The following NDUFAF5 variants were observed in gnomAD, a reference collection of about 807,000 sequenced individuals.
NDUFAF5 encodes NADH:ubiquinone oxidoreductase complex assembly factor 5, also known as arginine-hydroxylase NDUFAF5, mitochondrial.
NDUFAF5 carries 34 observed loss-of-function variants against 48.9 expected under a neutral mutation model. The observed-to-expected ratio is 0.70, with a 90% CI of 0.53 to 0.93. The LOEUF is 0.93. NDUFAF5 is among the 40% of genes least tolerant of loss of function. The probability of loss-of-function intolerance (pLI) is 0.00; values close to 1 mark genes in which losing one functional copy is unlikely to be tolerated. For missense variants in NDUFAF5, 428 were observed against 427.5 expected, an observed-to-expected ratio of 1.00 and a Z score of -0.01; for synonymous variants, 153 against 150.6, an observed-to-expected ratio of 1.02 and a Z score of -0.12.
Position 13,820,245 on chromosome 20 carries a change from A to G in NDUFAF5, c.*3035A>G, listed in dbSNP as rs1393063080. 1.3e-5 allele frequency: 2 copies of G among 152,240 alleles called. No homozygotes were observed. Among genetic ancestry groups the G allele is most frequent in the South Asian group, 2.1e-4 (1 of 4,834 alleles). The allele number at this position is 152,240 out of a possible 1,614,324, so 9.4% of individuals were successfully genotyped here. On this transcript the variant is annotated 3_prime_UTR_variant, in exon 11 of 11. Coordinates refer to ENST00000378106, the MANE Select transcript of NDUFAF5 (RefSeq NM_024120.5). ...ATTTATTGAGATGTAAGCTACCTATATACATCAAGTATGTGATATGATTGT... is the reference window on the plus strand; with the variant it reads ...ATTTATTGAGATGTAAGCTACCTATGTACATCAAGTATGTGATATGATTGT...
intron 7 of NDUFAF5, among the ~76,000 whole-genome samples, chr20:13,803,941 A>G (rs1984609735): frequency 6.6e-6 from 1 of 151,838 alleles, no homozygotes. Flanking sequence ...ACGTGCCACC[A>G]CGCCCCATTA....
chr20:13,820,014 G>C lies in NDUFAF5; in HGVS notation c.*2804G>C, dbSNP rs1305419675. On this transcript the variant is annotated 3_prime_UTR_variant, in exon 11 of 11. Coordinates refer to ENST00000378106, the MANE Select transcript of NDUFAF5 (RefSeq NM_024120.5). ...ATCTTCATTGAGTTTCATGTGCCAG[G>C]CATCCAACTAGTCTCTGCTTTTATA... 1 of 152,176 alleles carries C rather than the reference G, an allele frequency of 6.6e-6. No individual in the cohort carries two copies. Among genetic ancestry groups the C allele is most frequent in the Non-Finnish European group, 1.5e-5 (1 of 68,034 alleles). The allele number at this position is 152,176 out of a possible 1,614,324, so 9.4% of individuals were successfully genotyped here.
chr20:13,803,849 G>A (rs951054525), intron 7 of NDUFAF5, among the ~76,000 whole-genome samples: 1 of 151,930 alleles, frequency 6.6e-6, no homozygotes, highest in Non-Finnish European at 1.5e-5. Flanking sequence ...GCAATGGCAC[G>A]GTCTTGGCCC....
At chr20:13,799,984 A>G (rs547504031) in intron 6 of NDUFAF5, among the ~76,000 whole-genome samples, 52 of 152,278 alleles carry the variant, frequency 3.4e-4, no homozygotes, top group African/African-American at 1.1e-3. Flanking sequence ...GAAAATGGCA[A>G]TAGAAATATG....
chr20:13,800,271 G>A (rs755319857), intron 6 of NDUFAF5, among the ~76,000 whole-genome samples: 1 of 152,178 alleles, frequency 6.6e-6, no homozygotes, highest in Non-Finnish European at 1.5e-5. Context: ...TTGATGACAG[G>A]AGGAGGAAGC....
intron 5 of NDUFAF5, 73 bp downstream of exon 5, chr20:13,795,014 C>T (rs1482875403): frequency 9.5e-7 from 1 of 1,054,108 alleles, no homozygotes; most frequent in African/African-American, 1.6e-5. Context: ...GCTATGAGGC[C>T]AGGAGCGGTG....
chr20:13,817,791 A>T lies in NDUFAF5; in HGVS notation c.*581A>T, dbSNP rs1371673379. On this transcript the variant is annotated 3_prime_UTR_variant, in exon 11 of 11. Transcript: ENST00000378106. Reference sequence around the variant, plus strand: ...GAATACCAGAAGTAGAATCACATGTAACAGTCTCTGCACAGTCATCAGTTT... The same window carrying T: ...GAATACCAGAAGTAGAATCACATGTTACAGTCTCTGCACAGTCATCAGTTT... The T allele has an allele frequency of 4.4e-6, 2 of 454,008 alleles. No homozygotes were observed. Among genetic ancestry groups the T allele is most frequent in the South Asian group, 3.1e-5 (2 of 64,472 alleles). 28.1% of individuals were successfully genotyped at this position (454,008 alleles called of 1,614,324 possible).
intron 7 of NDUFAF5, among the ~76,000 whole-genome samples, chr20:13,807,206 C>T (rs367692038): frequency 6.6e-6 from 1 of 152,160 alleles, no homozygotes. Context: ...ACCACCATGC[C>T]TGGCTAATTT....
chr20:13,801,586 A>G lies in NDUFAF5; in HGVS notation c.620A>G (p.Glu207Gly). 3 of 1,614,052 alleles carry G rather than the reference A, an allele frequency of 1.9e-6. No individual in the cohort carries two copies. Among genetic ancestry groups the G allele is most frequent in the Non-Finnish European group, 2.5e-6 (3 of 1,179,986 alleles). Reference protein sequence around the residue: ...LRCSLQLAETEREGGFSPHIS... With the variant: ...LRCSLQLAETGREGGFSPHIS... ...TGTTCCTTACAGTTAGCGGAAACGGAAAGGGAAGGAGGATTTTCTCCACAC... is the reference window on the plus strand; with the variant it reads ...TGTTCCTTACAGTTAGCGGAAACGGGAAGGGAAGGAGGATTTTCTCCACAC... Residue 207 changes from glutamate (E) to glycine (G), a missense_variant, in exon 7 of 11, where the codon GAA becomes GGA. Physicochemically the swap from Glu to Gly is moderately conservative, Grantham distance 98 (BLOSUM62 -2). Coordinates refer to ENST00000378106, the MANE Select transcript of NDUFAF5 (RefSeq NM_024120.5).
At chr20:13,801,227 T>G (rs1278563647) in intron 6 of NDUFAF5, among the ~76,000 whole-genome samples, 1 of 152,166 alleles carries the variant, frequency 6.6e-6, no homozygotes, top group Non-Finnish European at 1.5e-5. Flanking sequence ...TGTATACCTA[T>G]TAGAAAACTT....
rs1182642576 is a variant in NDUFAF5 at position 13,785,171 on chromosome 20, C to G, written c.103C>G (p.Pro35Ala). 6.2e-7 allele frequency: 1 copy of G among 1,613,944 alleles called. No homozygotes were observed. Among genetic ancestry groups the G allele is most frequent in the Non-Finnish European group, 8.5e-7 (1 of 1,179,952 alleles). Residue 35 changes from proline to alanine, a missense_variant, in exon 1 of 11, where the codon CCC becomes GCC. Physicochemically the swap from Pro to Ala is conservative, Grantham distance 27 (BLOSUM62 -1). Transcript: ENST00000378106. ...GRREVTSGVS[P>A]RGSTSPRTLN... ...TAGGGAAGTCACCTCTGGTGTCTCT[C>G]CCCGCGGTAGCACCTCGCCCAGAAC...
chr20:13,797,786 ACT>A (rs1872239281), intron 5 of NDUFAF5, among the ~76,000 whole-genome samples: 1 of 152,104 alleles, frequency 6.6e-6, no homozygotes, highest in South Asian at 2.1e-4. Flanking sequence ...ACAAATATAC[ACT>A]CTGGAGATAT....
rs8184569 is a variant in NDUFAF5 at position 13,789,847 on chromosome 20, G to A, written c.327+1195G>A. ...GACTTGGGCCAGGGTGAGGAAGGGA[G>A]TGGTGGGGCTCCTAAAACACTATTA... On this transcript the variant is annotated intron_variant, in intron 3 of 10. Transcript: ENST00000378106. Among the ~76,000 whole-genome samples, 68 of 152,328 alleles carry A rather than the reference G, an allele frequency of 4.5e-4. 1 individual carries two copies. The East Asian group carries it at 0.012, about 28-fold the overall frequency.
chr20:13,793,305 CT>C, intron 4 of NDUFAF5, 78 bp downstream of exon 4: 1 of 1,254,130 alleles, frequency 8.0e-7, no homozygotes, highest in Middle Eastern at 2.0e-4. Context: ...TTTTTATTTC[CT>C]TCAAACTAGC....
chr20:13,794,219 G>A (rs145511427), intron 4 of NDUFAF5, among the ~76,000 whole-genome samples: 111 of 151,696 alleles, frequency 7.3e-4, no homozygotes, highest in African/African-American at 2.5e-3. Context: ...AGGGTAAAAT[G>A]TCCAGTCCAC....
intron 5 of NDUFAF5, among the ~76,000 whole-genome samples, chr20:13,797,424 C>G (rs1043836350): frequency 6.6e-6 from 1 of 152,066 alleles, no homozygotes; most frequent in Non-Finnish European, 1.5e-5. Context: ...AAGAAACTGT[C>G]AAGCCATTAA....
At position 13,816,537 on chromosome 20, in the gene NDUFAF5, G is replaced by A; in HGVS notation, c.853G>A (p.Val285Met). The A allele has an allele frequency of 6.2e-7, 1 of 1,613,850 alleles. No individual in the cohort carries two copies. The highest frequency in any genetic ancestry group is 8.5e-7 in the Non-Finnish European group (1 of 1,179,824). The stretch of plus-strand genomic sequence containing the variant: ...AGACACAATGCTGGCAGCTGCGGCA[G>A]TGTACAGAGGTAAGGGGCGACCACT... ...HRDTMLAAAAVYREMYRNEDG... is the reference protein window; with the variant it reads ...HRDTMLAAAAMYREMYRNEDG... Residue 285 changes from valine (V) to methionine (M), a missense_variant, in exon 9 of 11, where the codon GTG becomes ATG. Physicochemically the swap from Val to Met is conservative, Grantham distance 21. Coordinates refer to ENST00000378106, the MANE Select transcript of NDUFAF5 (RefSeq NM_024120.5).
At chr20:13,787,430 ATCTGAAATGGCAG>A in intron 2 of NDUFAF5, 78 bp downstream of exon 2, 1 of 1,346,098 alleles carries the variant, frequency 7.4e-7, no homozygotes, top group South Asian at 1.2e-5. Context: ...AGAACTTGCT[ATCTGAAATGGCAG>A]AACCTGGAAG....
chr20:13,806,247 C>T (rs1194937181), intron 7 of NDUFAF5, among the ~76,000 whole-genome samples: 5 of 152,168 alleles, frequency 3.3e-5, no homozygotes, highest in African/African-American at 1.2e-4. Context: ...GTGGCTCACG[C>T]CTCTAATCCT....
Sources: allele counts gnomAD v4.1 joint callset (sites outside exome capture counted in the v4.1 genomes callset), GRCh38; gene constraint gnomAD v4.1.1; transcripts MANE v1.5; gene names NCBI Gene and HGNC (gene_info 2026-07-23, HGNC 2026-07-21).